The following EHF variants were observed in gnomAD, a reference collection of about 807,000 sequenced individuals.
EHF encodes the protein ESE3 transcription factor.
EHF carries 14 observed loss-of-function variants against 45.1 expected under a neutral mutation model. That is an observed-to-expected ratio of 0.31 (90% CI 0.21 to 0.49). EHF has a LOEUF of 0.49. Ranked by LOEUF, EHF falls within the 20% of genes least tolerant of loss-of-function variation. The pLI is 0.99. For synonymous variants in EHF, 136 were observed against 131.8 expected, an observed-to-expected ratio of 1.03 and a Z score of -0.22; for missense variants, 282 against 371.4, an observed-to-expected ratio of 0.76 and a Z score of 1.98.
intron 3 of EHF, among the ~76,000 whole-genome samples, chr11:34,647,084 A>AC (rs143509295): frequency 0.11 from 15,369 of 136,460 alleles, 1,158 homozygotes; most frequent in Admixed American, 0.17. Context: ...ACAAAACAAA[A>AC]CCCCCCCCAC....
At position 34,642,669 on chromosome 11, in the gene EHF, C is replaced by T. The variant is rs577868127; in HGVS notation, c.39C>T (p.Pro13=). ...LEGGGVMNLN[P]GNNLLHQPPA... is the part of the protein sequence containing the mutation. Reference sequence around the variant, plus strand: ...GAGGTGGTGTAATGAATCTCAACCCCGGCAACAACCTCCTTCACCAGCCGC... The same window carrying T: ...GAGGTGGTGTAATGAATCTCAACCCTGGCAACAACCTCCTTCACCAGCCGC... The change falls in exon 2 of 9, where the codon CCC becomes CCT. Residue 13 remains proline, a synonymous_variant. Coordinates refer to ENST00000257831, the MANE Select transcript of EHF (RefSeq NM_012153.6). 2.7e-5 allele frequency: 44 copies of T among 1,614,004 alleles called. No individual in the cohort carries two copies. Among genetic ancestry groups the T allele is most frequent in the African/African-American group, 9.3e-5 (7 of 75,012 alleles).
chr11:34,639,748 A>G (rs1853796802), intron 1 of EHF, among the ~76,000 whole-genome samples: 1 of 152,210 alleles, frequency 6.6e-6, no homozygotes, highest in African/African-American at 2.4e-5. Context: ...TGTGCCCTGT[A>G]AAAAAGGGCC....
intron 1 of EHF, chr11:34,622,211 C>T (rs745878959): frequency 4.0e-5 from 9 of 224,680 alleles, no homozygotes; most frequent in East Asian, 1.5e-4. Flanking sequence ...ACATTTTCAC[C>T]GTCCATCTTT....
chr11:34,643,229 T>C (rs953464235), intron 2 of EHF, among the ~76,000 whole-genome samples: 1 of 152,108 alleles, frequency 6.6e-6, no homozygotes, highest in Non-Finnish European at 1.5e-5. Context: ...CCCTAGAGCT[T>C]TAATCTAGAA....
At chr11:34,642,093 C>T (rs1285483319) in intron 1 of EHF, 1 of 152,704 alleles carries the variant, frequency 6.5e-6, no homozygotes, top group Non-Finnish European at 1.5e-5. Flanking sequence ...TAAAATATGA[C>T]TGAGGCCCTT....
At chr11:34,629,403 G>A (rs1852670528) in intron 1 of EHF, among the ~76,000 whole-genome samples, 1 of 152,210 alleles carries the variant, frequency 6.6e-6, no homozygotes, top group African/African-American at 2.4e-5. Flanking sequence ...GGTGTGCCAC[G>A]AGTCTAGTGT....
At chr11:34,627,062 G>A (rs1852434328) in intron 1 of EHF, among the ~76,000 whole-genome samples, 1 of 152,050 alleles carries the variant, frequency 6.6e-6, no homozygotes, top group Non-Finnish European at 1.5e-5. Context: ...TGTTTTCAGT[G>A]AGTTTCTGTT....
At chr11:34,656,300 G>A (rs1855668148) in intron 6 of EHF, among the ~76,000 whole-genome samples, 1 of 151,856 alleles carries the variant, frequency 6.6e-6, no homozygotes, top group African/African-American at 2.4e-5. Context: ...TTGTCAGGCT[G>A]ATTAAAATGT....
At position 34,646,628 on chromosome 11, in the gene EHF, C is replaced by A; in HGVS notation, c.287C>A (p.Ala96Glu). The change falls in exon 3 of 9, where the codon GCG (alanine) becomes GAG (glutamate). Residue 96 changes from alanine (A) to glutamate (E), a missense_variant. Ala to Glu is a moderately radical substitution (Grantham distance 107). Around this residue, in one of 3 missense-constraint regions of EHF, gnomAD observed 213 missense variants for 247.3 expected, o/e 0.86. Transcript: ENST00000257831. ...ATGAGTTTGCAGGAGTTCACCCGGG[C>A]GGCAGGGACGGCGGGGCAGCTCCTC... ...CSMSLQEFTRAAGTAGQLLYS... is the reference protein window; with the variant it reads ...CSMSLQEFTREAGTAGQLLYS... 1 of 1,613,566 alleles carries A rather than the reference C, an allele frequency of 6.2e-7. No homozygotes were observed. Among genetic ancestry groups the A allele is most frequent in the Non-Finnish European group, 8.5e-7 (1 of 1,179,874 alleles).
chr11:34,653,885 GATAAACGCA>G (rs1319807511), intron 6 of EHF, among the ~76,000 whole-genome samples: 1 of 152,192 alleles, frequency 6.6e-6, no homozygotes, highest in African/African-American at 2.4e-5. Context: ...TGCCCTCTGT[GATAAACGCA>G]GGTGGGGAAA....
chr11:34,630,529 C>T (rs971997855), intron 1 of EHF, among the ~76,000 whole-genome samples: 4 of 152,156 alleles, frequency 2.6e-5, no homozygotes, highest in East Asian at 1.9e-4. Context: ...GTTGCTCTTT[C>T]CTTGACTTGA....
At position 34,658,941 on chromosome 11, in the gene EHF, T is replaced by C; in HGVS notation, c.*10T>C. Reference sequence around the variant, plus strand: ...AGAAAATGAAAACTGAAGCTGCCAATACTTTGGACACAAACCAAAACACAC... The same window carrying C: ...AGAAAATGAAAACTGAAGCTGCCAACACTTTGGACACAAACCAAAACACAC... On this transcript the variant is annotated 3_prime_UTR_variant, in exon 9 of 9. Coordinates refer to ENST00000257831, the MANE Select transcript of EHF (RefSeq NM_012153.6). 1 of 1,602,932 alleles carries C rather than the reference T, an allele frequency of 6.2e-7. No individual in the cohort carries two copies.
At chr11:34,626,689 C>T (rs1218864881) in intron 1 of EHF, among the ~76,000 whole-genome samples, 2 of 152,166 alleles carry the variant, frequency 1.3e-5, no homozygotes, top group Non-Finnish European at 2.9e-5. Flanking sequence ...AGGCAGAAGG[C>T]TGTGGGTCAA....
intron 2 of EHF, 125 bp from the exon 3 acceptor site, chr11:34,646,314 C>G (rs11032796): frequency 6.9e-7 from 1 of 1,452,468 alleles, no homozygotes; most frequent in South Asian, 1.3e-5. Flanking sequence ...ATCACCCATG[C>G]TGGCACATAC....
chr11:34,636,687 C>G (rs980393018), intron 1 of EHF, among the ~76,000 whole-genome samples: 1 of 152,160 alleles, frequency 6.6e-6, no homozygotes, highest in African/African-American at 2.4e-5. Flanking sequence ...AGATTTCAAC[C>G]CTGGCCGTTT....
intron 1 of EHF, among the ~76,000 whole-genome samples, chr11:34,636,251 T>A (rs1853391965): frequency 6.6e-6 from 1 of 152,244 alleles, no homozygotes; most frequent in African/African-American, 2.4e-5. Context: ...CGACAACACT[T>A]TTCATGTCAT....
chr11:34,659,069 G>A lies in EHF; in HGVS notation c.*138G>A, dbSNP rs755179597. On this transcript the variant is annotated 3_prime_UTR_variant, in exon 9 of 9. Transcript: ENST00000257831. ...AGGGGAACAAGAAACTACTTCTAAC[G>A]GGAAGAAGAAACACTACGGTCGATT... 1.2e-4 allele frequency: 75 copies of A among 646,440 alleles called. No homozygotes were observed. The highest frequency in any genetic ancestry group is 1.7e-4 in the Non-Finnish European group (67 of 390,612). The allele number at this position is 646,440 out of a possible 1,614,324, so 40.0% of individuals were successfully genotyped here. A position where few individuals can be genotyped will look rare whatever the true frequency, so the allele number is the denominator to read the frequency against.
chr11:34,644,949 C>T (rs1444756704), intron 2 of EHF, among the ~76,000 whole-genome samples: 2 of 152,220 alleles, frequency 1.3e-5, no homozygotes, highest in African/African-American at 2.4e-5. Flanking sequence ...AAGTTAGAGA[C>T]AGTTTTCTTG....
chr11:34,636,700 A>G (rs1279760281), intron 1 of EHF, among the ~76,000 whole-genome samples: 1 of 152,164 alleles, frequency 6.6e-6, no homozygotes, highest in Non-Finnish European at 1.5e-5. Flanking sequence ...GGCCGTTTGA[A>G]TCATGAGCCC....
Sources: gnomAD v4.1 joint callset for allele counts (sites outside exome capture counted in the v4.1 genomes callset) on GRCh38, gnomAD v4.1.1 for gene constraint, gnomAD v4.1.1 regional missense constraint, MANE v1.5 for transcripts, NCBI Gene and HGNC (gene_info 2026-07-23, HGNC 2026-07-21) for gene names.